KCND2: variants seen among roughly 807,000 people sequenced by gnomAD.
The protein encoded by KCND2 is A-type voltage-gated potassium channel KCND2.
Under a neutral mutation model 54.4 loss-of-function variants are expected in KCND2, and 16 were observed. That is an observed-to-expected ratio of 0.29 (90% CI 0.20 to 0.45). The LOEUF (loss-of-function observed/expected upper bound fraction) is 0.45, where lower values mean the gene tolerates loss of function less well. Among genes scored for constraint, KCND2 ranks in the 20% least tolerant of loss-of-function variants. The pLI, the probability that KCND2 is intolerant of heterozygous loss-of-function variation, is 1.00. For missense variants in KCND2, 486 were observed against 824.2 expected (o/e 0.59, Z 5.02); for synonymous variants, 317 against 310.7 (o/e 1.02, Z -0.21).
chr7:120,462,649 C>A (rs116591571), intron 1 of KCND2, among the ~76,000 whole-genome samples: 1 of 151,824 alleles, frequency 6.6e-6, no homozygotes, highest in South Asian at 2.1e-4. Context: ...TGAGCCCTAT[C>A]CCTTGGCTGA....
intron 1 of KCND2, among the ~76,000 whole-genome samples, chr7:120,509,105 TGA>T (rs2116328353): frequency 1.3e-5 from 2 of 152,166 alleles, no homozygotes; most frequent in South Asian, 4.1e-4. Flanking sequence ...AATTTAAAAC[TGA>T]TTTTACTTGT....
At chr7:120,482,155 C>T (rs908142305) in intron 1 of KCND2, among the ~76,000 whole-genome samples, 2 of 152,180 alleles carry the variant, frequency 1.3e-5, no homozygotes, top group Admixed American at 6.5e-5. Flanking sequence ...CAACTGTAAG[C>T]TTTAATGTTG....
intron 1 of KCND2, among the ~76,000 whole-genome samples, chr7:120,679,141 T>A (rs1792108800): frequency 6.6e-6 from 1 of 151,866 alleles, no homozygotes; most frequent in Admixed American, 6.6e-5. Flanking sequence ...ACCCTACTTG[T>A]CCCATAAAGA....
intron 1 of KCND2, among the ~76,000 whole-genome samples, chr7:120,402,230 G>A (rs1801272207): frequency 1.3e-5 from 2 of 152,026 alleles, no homozygotes; most frequent in Non-Finnish European, 2.9e-5. Context: ...GTAAATAATA[G>A]CCATCAGCAA....
intron 1 of KCND2, among the ~76,000 whole-genome samples, chr7:120,310,304 A>G (rs531199929): frequency 7.9e-5 from 12 of 152,336 alleles, no homozygotes; most frequent in Non-Finnish European, 1.8e-4. Context: ...AACAAATACA[A>G]TCATACAACT....
intron 1 of KCND2, among the ~76,000 whole-genome samples, chr7:120,692,878 A>G (rs1792286839): frequency 6.6e-6 from 1 of 152,172 alleles, no homozygotes; most frequent in South Asian, 2.1e-4. Flanking sequence ...GATTGGTTGT[A>G]ATGTGATTGA....
chr7:120,499,028 T>C (rs1802892973), intron 1 of KCND2, among the ~76,000 whole-genome samples: 1 of 152,176 alleles, frequency 6.6e-6, no homozygotes, highest in African/African-American at 2.4e-5. Flanking sequence ...TGGTCTAGCA[T>C]AAGAAATCTT....
At chr7:120,744,617 T>C (rs2116186040) in intron 4 of KCND2, among the ~76,000 whole-genome samples, 1 of 152,330 alleles carries the variant, frequency 6.6e-6, no homozygotes, top group East Asian at 1.9e-4. Flanking sequence ...TATTATTCTC[T>C]AGACTTTAAA....
chr7:120,385,477 T>C (rs1044671907), intron 1 of KCND2, among the ~76,000 whole-genome samples: 5 of 152,102 alleles, frequency 3.3e-5, no homozygotes, highest in African/African-American at 1.2e-4. Context: ...CACCAATCCA[T>C]GTTTACCCCC....
chr7:120,531,719 C>T (rs1012587391), intron 1 of KCND2, among the ~76,000 whole-genome samples: 2 of 152,078 alleles, frequency 1.3e-5, no homozygotes, highest in African/African-American at 4.8e-5. Context: ...CACCTTATTT[C>T]GTATTTCACT....
At chr7:120,591,883 A>G (rs1229062235) in intron 1 of KCND2, among the ~76,000 whole-genome samples, 2 of 152,254 alleles carry the variant, frequency 1.3e-5, no homozygotes, top group African/African-American at 2.4e-5. Flanking sequence ...AGATGTTACA[A>G]ATCAAAAACC....
intron 1 of KCND2, among the ~76,000 whole-genome samples, chr7:120,447,777 A>G (rs1205692644): frequency 6.6e-6 from 1 of 152,302 alleles, no homozygotes; most frequent in Non-Finnish European, 1.5e-5. Flanking sequence ...TAAGCATCTT[A>G]AATTCTTTTG....
rs1793049488 is a variant in KCND2, at chr7:120,749,763, T to G, written c.*1905T>G. The G allele has an allele frequency of 6.6e-6, 1 of 152,344 alleles. No individual in the cohort carries two copies. Among genetic ancestry groups the G allele is most frequent in the Non-Finnish European group, 1.5e-5 (1 of 67,852 alleles). 9.4% of individuals were successfully genotyped at this position (152,344 alleles called of 1,614,324 possible). ...TACATCTTTTAAAAAGTTACTAATT[T>G]TCCAGCAGTACAAATATTAACAATT... On this transcript the variant is annotated 3_prime_UTR_variant, in exon 6 of 6. Transcript: ENST00000331113.
At chr7:120,635,712 A>G (rs1793296422) in intron 1 of KCND2, among the ~76,000 whole-genome samples, 1 of 152,182 alleles carries the variant, frequency 6.6e-6, no homozygotes, top group Non-Finnish European at 1.5e-5. Context: ...GTGATTACGA[A>G]TATTTGATCT....
chr7:120,542,715 A>G (rs1011975792), intron 1 of KCND2, among the ~76,000 whole-genome samples: 7 of 151,706 alleles, frequency 4.6e-5, no homozygotes, highest in African/African-American at 7.3e-5. Flanking sequence ...ACATTTTCCA[A>G]TGGTCTATTG....
intron 1 of KCND2, among the ~76,000 whole-genome samples, chr7:120,459,833 C>G (rs1462273374): frequency 2.0e-5 from 3 of 152,180 alleles, no homozygotes; most frequent in African/African-American, 7.2e-5. Context: ...CTATCCTCAT[C>G]CCTGTGAACT....
At chr7:120,606,229 C>T (rs1792880550) in intron 1 of KCND2, among the ~76,000 whole-genome samples, 1 of 152,088 alleles carries the variant, frequency 6.6e-6, no homozygotes, top group Admixed American at 6.6e-5. Flanking sequence ...AATTCAAATC[C>T]TCTGCCAATT....
intron 1 of KCND2, among the ~76,000 whole-genome samples, chr7:120,566,228 A>C (rs1398422314): frequency 6.6e-6 from 1 of 152,252 alleles, no homozygotes; most frequent in African/African-American, 2.4e-5. Flanking sequence ...AATAGGGAAA[A>C]GAGACCTTGA....
chr7:120,461,692 T>C (rs1370593708), intron 1 of KCND2, among the ~76,000 whole-genome samples: 2 of 152,198 alleles, frequency 1.3e-5, no homozygotes, highest in Non-Finnish European at 2.9e-5. Context: ...AAAATATGTA[T>C]GTAGATTAAT....
Sources: allele counts gnomAD v4.1 joint callset (sites outside exome capture counted in the v4.1 genomes callset), GRCh38; gene constraint gnomAD v4.1.1; transcripts MANE v1.5; gene names NCBI Gene and HGNC (gene_info 2026-07-23, HGNC 2026-07-21).